The following THAP9 variants were observed in gnomAD, a reference collection of about 807,000 sequenced individuals.
THAP9 encodes DNA transposase THAP9.
THAP9 carries 20 observed loss-of-function variants against 35.7 expected under a neutral mutation model. The observed-to-expected ratio is 0.56, with a 90% CI of 0.39 to 0.81. The LOEUF (loss-of-function observed/expected upper bound fraction) is 0.81, where lower values mean the gene tolerates loss of function less well. THAP9 is among the 40% of genes least tolerant of loss of function. THAP9 has a pLI of 0.00. For synonymous variants in THAP9, 335 were observed against 373.7 expected (o/e 0.90, Z 1.19); for missense variants, 870 against 1,047.4 (o/e 0.83, Z 2.34).
Position 82,910,479 on chromosome 4 carries a change from T to C in THAP9, c.731+2544T>C, listed in dbSNP as rs142516205. ...TTTACCTACCAATAAAATTTTGTTT[T>C]AGTGTTCTGTTATATTAATGGTATA... On this transcript the variant is annotated intron_variant, in intron 4 of 4. Coordinates refer to ENST00000302236, the MANE Select transcript of THAP9 (RefSeq NM_024672.6). Among the ~76,000 whole-genome samples the C allele has an allele frequency of 3.3e-3, 500 of 151,148 alleles. 6 individuals carry two copies. Among genetic ancestry groups the C allele is most frequent in the African/African-American group, 0.011 (464 of 41,380 alleles).
chr4:82,905,658 T>C (rs1238236530), intron 2 of THAP9, among the ~76,000 whole-genome samples: 1 of 152,210 alleles, frequency 6.6e-6, no homozygotes, highest in South Asian at 2.1e-4. Flanking sequence ...TGTACATTTT[T>C]AACTGTCCTG....
rs186045109 is a variant in THAP9, at chr4:82,913,648, G to A, written c.732-3296G>A. ...TAAACTCCTGTCGTGGGGGTTTGTT[G>A]TACAGATTATTTCATCCCAACCTCC... On this transcript the variant is annotated intron_variant, in intron 4 of 4. Coordinates refer to ENST00000302236, the MANE Select transcript of THAP9 (RefSeq NM_024672.6). Among the ~76,000 whole-genome samples the A allele has an allele frequency of 6.2e-4, 94 of 152,074 alleles. 1 individual carries two copies. The highest frequency in any genetic ancestry group is 2.2e-3 in the African/African-American group (90 of 41,480).
At chr4:82,900,961 G>A in intron 1 of THAP9, 79 bp downstream of exon 1, 4 of 1,528,636 alleles carry the variant, frequency 2.6e-6, no homozygotes, top group South Asian at 2.3e-5. Flanking sequence ...GGGCGGGGCC[G>A]GGCCGCACTG....
At chr4:82,910,539 GATTAT>G (rs1196387132) in intron 4 of THAP9, among the ~76,000 whole-genome samples, 2 of 150,042 alleles carry the variant, frequency 1.3e-5, no homozygotes, top group Non-Finnish European at 1.5e-5. Context: ...ATTAATGTAA[GATTAT>G]ATTATATTAA....
intron 3 of THAP9, among the ~76,000 whole-genome samples, chr4:82,907,165 A>C (rs1235916683): frequency 6.6e-6 from 1 of 152,168 alleles, no homozygotes; most frequent in Non-Finnish European, 1.5e-5. Context: ...TCTTTGAAGA[A>C]GGGCAAAATA....
chr4:82,906,580 A>C lies in THAP9; in HGVS notation c.533A>C (p.Lys178Thr). ...TTAATTGATGCACTTGTAGAAGAGAAACTACTTTCTGAAGAAACAGAGTGT... is the reference window on the plus strand; with the variant it reads ...TTAATTGATGCACTTGTAGAAGAGACACTACTTTCTGAAGAAACAGAGTGT... Reference protein sequence around the residue: ...LRLIDALVEEKLLSEETECLL... With the variant: ...LRLIDALVEETLLSEETECLL... Residue 178 changes from lysine (K) to threonine (T), a missense_variant, in exon 3 of 5, where the codon AAA becomes ACA. Transcript: ENST00000302236. 6.2e-7 allele frequency: 1 copy of C among 1,610,564 alleles called. No homozygotes were observed. The highest frequency in any genetic ancestry group is 8.5e-7 in the Non-Finnish European group (1 of 1,178,272).
chr4:82,909,439 T>C (rs1720785450), intron 4 of THAP9, among the ~76,000 whole-genome samples: 1 of 151,948 alleles, frequency 6.6e-6, no homozygotes, highest in Non-Finnish European at 1.5e-5. Flanking sequence ...TGTGTGTGTG[T>C]GCACTTAGAT....
chr4:82,900,982 CGCGTGTGTGACGCGACGTGACGTGCGCA>C, intron 1 of THAP9, 100 bp downstream of exon 1: 2 of 1,401,256 alleles, frequency 1.4e-6, no homozygotes, highest in Non-Finnish European at 2.0e-6. Context: ...TGGGTCGCGC[CGCGTGTGTGACGCGACGTGACGTGCGCA>C]GCGTCGGGGC....
At chr4:82,901,016 G>T (rs1273650714) in intron 1 of THAP9, 134 bp downstream of exon 1, 4 of 1,096,324 alleles carry the variant, frequency 3.6e-6, no homozygotes, top group Non-Finnish European at 5.5e-6. Context: ...GCGCAGCGTC[G>T]GGGCGTGGGA....
chr4:82,919,081 C>G lies in THAP9; in HGVS notation c.*157C>G. The G allele has an allele frequency of 1.6e-6, 1 of 619,068 alleles. No individual in the cohort carries two copies. Among genetic ancestry groups the G allele is most frequent in the East Asian group, 2.9e-5 (1 of 34,096 alleles). The allele number at this position is 619,068 out of a possible 1,614,324, so 38.3% of individuals were successfully genotyped here. On this transcript the variant is annotated 3_prime_UTR_variant, in exon 5 of 5. Transcript: ENST00000302236. ...CAAATTCTGCATATCACAAAATCTCCTTATACTTTTGGTATGGCTTGCAGC... is the reference window on the plus strand; with the variant it reads ...CAAATTCTGCATATCACAAAATCTCGTTATACTTTTGGTATGGCTTGCAGC...
At chr4:82,911,622 G>C (rs1720870397) in intron 4 of THAP9, among the ~76,000 whole-genome samples, 1 of 152,152 alleles carries the variant, frequency 6.6e-6, no homozygotes, top group Non-Finnish European at 1.5e-5. Flanking sequence ...TCACTGTGTT[G>C]CCCAGATTGG....
chr4:82,918,998 T>G lies in THAP9; in HGVS notation c.*74T>G. 1.2e-5 allele frequency: 16 copies of G among 1,285,206 alleles called. No homozygotes were observed. The highest frequency in any genetic ancestry group is 1.7e-5 in the Non-Finnish European group (16 of 935,532). 79.6% of individuals were successfully genotyped at this position (1,285,206 alleles called of 1,614,324 possible). A position where few individuals can be genotyped will look rare whatever the true frequency, so the allele number is the denominator to read the frequency against. On this transcript the variant is annotated 3_prime_UTR_variant, in exon 5 of 5. Transcript: ENST00000302236. ...TTTTTGAAGTTCAATTTACCATATT[T>G]TATAAATTGCGCATTCTGCACAGTG...
intron 4 of THAP9, among the ~76,000 whole-genome samples, chr4:82,908,359 T>C (rs1403124441): frequency 6.6e-6 from 1 of 152,208 alleles, no homozygotes; most frequent in Non-Finnish European, 1.5e-5. Flanking sequence ...TGATCGCCAT[T>C]GGTCTTAGGC....
Position 82,906,324 on chromosome 4 carries a change from A to T in THAP9, c.277A>T (p.Ile93Phe), listed in dbSNP as rs1560693138. ...GAVPSVSLYK[I>F]PQGVHLKGKA... ...CTTTAATTTTATATATCTGTCATAGATTCCTCAAGGTGTACATCTTAAAGG... is the reference window on the plus strand; with the variant it reads ...CTTTAATTTTATATATCTGTCATAGTTTCCTCAAGGTGTACATCTTAAAGG... The change falls in exon 3 of 5, where the codon ATT (isoleucine) becomes TTT (phenylalanine). Residue 93 changes from isoleucine (I) to phenylalanine (F), a missense_variant and splice_region_variant. Physicochemically the swap from Ile to Phe is conservative, Grantham distance 21. Transcript: ENST00000302236. 6 of 1,568,772 alleles carry T rather than the reference A, an allele frequency of 3.8e-6. No homozygotes were observed. Among genetic ancestry groups the T allele is most frequent in the Non-Finnish European group, 5.2e-6 (6 of 1,160,446 alleles).
Position 82,916,988 on chromosome 4 carries a change from T to C in THAP9, c.776T>C (p.Ile259Thr), listed in dbSNP as rs770618574. Residue 259 changes from isoleucine (I) to threonine (T), a missense_variant, in exon 5 of 5, where the codon ATT (isoleucine) becomes ACT (threonine). Ile to Thr is a moderately conservative substitution (Grantham distance 89). This residue lies in a region of THAP9 where 440 missense variants were observed against 501.2 expected (regional missense o/e 0.88). Transcript: ENST00000302236. Reference protein sequence around the residue: ...CQPSPGFNSNIFSFLQRRVEN... With the variant: ...CQPSPGFNSNTFSFLQRRVEN... Reference sequence around the variant, plus strand: ...CCCAGTCCAGGTTTCAACAGCAACATTTTTTCTTTTCTTCAACGAAGAGTA... The same window carrying C: ...CCCAGTCCAGGTTTCAACAGCAACACTTTTTCTTTTCTTCAACGAAGAGTA... The C allele has an allele frequency of 2.6e-6, 4 of 1,551,870 alleles. No individual in the cohort carries two copies. The highest frequency in any genetic ancestry group is 1.4e-5 in the African/African-American group (1 of 72,616).
In THAP9 at chr4:82,900,872, TC is replaced by T; in HGVS notation, c.72del (p.Phe25SerfsTer52). 6.2e-7 allele frequency: 1 copy of T among 1,613,400 alleles called. No individual in the cohort carries two copies. The highest frequency in any genetic ancestry group is 8.5e-7 in the Non-Finnish European group (1 of 1,179,996). On this transcript the variant is annotated frameshift_variant, in exon 1 of 5. Transcript: ENST00000302236. LOFTEE classifies it high-confidence loss of function. The stretch of plus-strand genomic sequence containing the variant: ...CGTGCTCAGCCGGGAGCGCGGCCTC[TC>T]CTTCCACCAGTGCGTATGGGAGCAG... Reference protein sequence around the residue: ...DTVLSRERGLSFHQFPTDTIQ... With the variant: ...DTVLSRERGLXFHQFPTDTIQ...
At position 82,918,536 on chromosome 4, in the gene THAP9, G is replaced by T; in HGVS notation, c.2324G>T (p.Cys775Phe). The change falls in exon 5 of 5, where the codon TGT (cysteine) becomes TTT (phenylalanine). Residue 775 changes from cysteine to phenylalanine, a missense_variant. Physicochemically the swap from Cys to Phe is radical, Grantham distance 205. Coordinates refer to ENST00000302236, the MANE Select transcript of THAP9 (RefSeq NM_024672.6). The stretch of plus-strand genomic sequence containing the variant: ...AGTCTGTGTCGGGTCATAAATATTT[G>T]TGAGCGAGTTGTAAGAACCCATTCA... ...SESLCRVINI[C>F]ERVVRTHSRM... The T allele has an allele frequency of 6.2e-7, 1 of 1,614,136 alleles. No homozygotes were observed. The highest frequency in any genetic ancestry group is 8.5e-7 in the Non-Finnish European group (1 of 1,179,992).
intron 4 of THAP9, among the ~76,000 whole-genome samples, chr4:82,911,980 G>C (rs757884405): frequency 2.0e-5 from 3 of 152,132 alleles, no homozygotes; most frequent in African/African-American, 4.8e-5. Flanking sequence ...CCCTTGGTTT[G>C]GTTAGATAGG....
chr4:82,915,088 A>G (rs1324169658), intron 4 of THAP9, among the ~76,000 whole-genome samples: 1 of 152,082 alleles, frequency 6.6e-6, no homozygotes, highest in East Asian at 1.9e-4. Context: ...TGGTTTTGTC[A>G]GCTTTGTCGA....
Sources: gnomAD v4.1 joint callset for allele counts (sites outside exome capture counted in the v4.1 genomes callset) on GRCh38, gnomAD v4.1.1 for gene constraint, gnomAD v4.1.1 regional missense constraint, MANE v1.5 for transcripts, NCBI Gene and HGNC (gene_info 2026-07-23, HGNC 2026-07-21) for gene names.